AREL1: variants seen among roughly 807,000 people sequenced by gnomAD.
The protein encoded by AREL1 is apoptosis-resistant E3 ubiquitin protein ligase 1.
A neutral mutation model predicts 99.0 loss-of-function variants in AREL1; 62 were observed. That is an observed-to-expected ratio of 0.63 (90% CI 0.51 to 0.77). The LOEUF (loss-of-function observed/expected upper bound fraction) is 0.77, where lower values mean the gene tolerates loss of function less well. AREL1 is among the 30% of genes least tolerant of loss of function. AREL1 has a pLI of 0.00. For missense variants in AREL1, 879 were observed against 1,027.6 expected, an observed-to-expected ratio of 0.86 and a Z score of 1.98; for synonymous variants, 380 against 376.5, an observed-to-expected ratio of 1.01 and a Z score of -0.11.
chr14:74,691,864 C>A (rs974417232), intron 2 of AREL1, among the ~76,000 whole-genome samples, 177 bp downstream of exon 2: 1 of 152,058 alleles, frequency 6.6e-6, no homozygotes, highest in Non-Finnish European at 1.5e-5. Context: ...AAGTCATTTC[C>A]CAAAAATGGA....
At chr14:74,702,198 G>A (rs1055959352) in intron 1 of AREL1, among the ~76,000 whole-genome samples, 7 of 152,212 alleles carry the variant, frequency 4.6e-5, no homozygotes, top group African/African-American at 1.7e-4. Flanking sequence ...GGGACTCTGT[G>A]TGGGAGCTTC....
chr14:74,680,640 C>T (rs138013338), intron 5 of AREL1, among the ~76,000 whole-genome samples: 1 of 152,272 alleles, frequency 6.6e-6, no homozygotes, highest in African/African-American at 2.4e-5. Context: ...GGAAACAACC[C>T]AGATGACCTT....
At chr14:74,696,383 T>G (rs1030547579) in intron 1 of AREL1, among the ~76,000 whole-genome samples, 15 of 152,330 alleles carry the variant, frequency 9.8e-5, no homozygotes, top group African/African-American at 2.9e-4. Context: ...ATTAGGAATT[T>G]TACAGTCATT....
intron 2 of AREL1, among the ~76,000 whole-genome samples, chr14:74,687,945 T>TGCATAAAAAATTTTAC (rs1264496492): frequency 1.3e-5 from 2 of 151,828 alleles, no homozygotes; most frequent in African/African-American, 4.8e-5. Flanking sequence ...TCTAATTTTA[T>TGCATAAAAAATTTTAC]GCCTAAAAAA....
At chr14:74,673,040 TC>T (rs780520218) in intron 10 of AREL1, 36 bp downstream of exon 10, 1 of 1,614,078 alleles carries the variant, frequency 6.2e-7, no homozygotes, top group Non-Finnish European at 8.5e-7. Context: ...GTGGCTGGGC[TC>T]ACTACCTTCC....
intron 5 of AREL1, among the ~76,000 whole-genome samples, chr14:74,677,714 G>A (rs1314612367): frequency 1.3e-5 from 2 of 151,168 alleles, no homozygotes; most frequent in African/African-American, 4.9e-5. Context: ...TATTGGCCAG[G>A]CTGGTCTCAA....
intron 1 of AREL1, 42 bp downstream of exon 1, chr14:74,712,891 C>T: frequency 1.7e-6 from 1 of 588,222 alleles, no homozygotes; most frequent in Non-Finnish European, 3.2e-6. Context: ...CTGGTAAAGG[C>T]AGGTCTTCTG....
intron 1 of AREL1, among the ~76,000 whole-genome samples, chr14:74,706,143 GC>G (rs1189883409): frequency 6.6e-6 from 1 of 152,106 alleles, no homozygotes; most frequent in Non-Finnish European, 1.5e-5. Context: ...CAGAGGACAG[GC>G]CCCCATGTTC....
intron 1 of AREL1, among the ~76,000 whole-genome samples, chr14:74,696,140 T>G (rs2089975267): frequency 6.6e-6 from 1 of 152,194 alleles, no homozygotes; most frequent in Non-Finnish European, 1.5e-5. Context: ...AACTTTACTA[T>G]CTGATGCTTT....
At chr14:74,708,048 G>T (rs1483577532) in intron 1 of AREL1, among the ~76,000 whole-genome samples, 1 of 151,988 alleles carries the variant, frequency 6.6e-6, no homozygotes, top group Non-Finnish European at 1.5e-5. Context: ...GAAATTAGTG[G>T]AGAAACTTGT....
rs576332723 is a variant in AREL1, at chr14:74,662,707, C to T, written c.*1013G>A. 1.3e-4 allele frequency: 50 copies of T among 398,260 alleles called. No individual in the cohort carries two copies. The East Asian group carries it at 1.7e-3, about 14-fold the overall frequency. The allele number at this position is 398,260 out of a possible 1,614,324, so 24.7% of individuals were successfully genotyped here. A position where few individuals can be genotyped will look rare whatever the true frequency, so the allele number is the denominator to read the frequency against. The stretch of plus-strand genomic sequence containing the variant: ...GTGATAAGCACGTAAACTCCTAGTC[C>T]CTGTTCCTTTGTCTTAGTGCTGCCA... On this transcript the variant is annotated 3_prime_UTR_variant, in exon 20 of 20. Coordinates refer to ENST00000356357, the MANE Select transcript of AREL1 (RefSeq NM_001039479.2).
intron 1 of AREL1, chr14:74,712,038 C>CAAAAAAAAAAAAAAAAAAAAA (rs752599769): frequency 1.2e-3 from 35 of 28,706 alleles, no homozygotes; most frequent in Non-Finnish European, 1.4e-3. Flanking sequence ...AGACAAAGTG[C>CAAAAAAAAAAAAAAAAAAAAA]AAAAAAAAAA....
chr14:74,669,563 C>T, intron 15 of AREL1, 86 bp downstream of exon 15: 1 of 1,492,040 alleles, frequency 6.7e-7, no homozygotes, highest in Non-Finnish European at 9.0e-7. Flanking sequence ...GGAACATTTC[C>T]ACCACTGCAG....
intron 1 of AREL1, among the ~76,000 whole-genome samples, chr14:74,703,779 T>C (rs1017417044): frequency 9.8e-5 from 15 of 152,332 alleles, no homozygotes; most frequent in African/African-American, 3.6e-4. Context: ...GGTGGTATCA[T>C]AGATAAAGCT....
At position 74,676,284 on chromosome 14, in the gene AREL1, A is replaced by C. The variant is rs770362067; in HGVS notation, c.689T>G (p.Phe230Cys). 5.0e-5 allele frequency: 80 copies of C among 1,614,058 alleles called. No individual in the cohort carries two copies. The Middle Eastern group carries it at 3.0e-3, about 60-fold the overall frequency. ...CCTGTTGGATGTTACTGATTTCTCA[A>C]ATGAGACACCAGTACTCTCTTCTTC... ...PQEEESTGVSFEKSVTSNRQT... is the reference protein window; with the variant it reads ...PQEEESTGVSCEKSVTSNRQT... The change falls in exon 7 of 20, where the codon TTT (phenylalanine) becomes TGT (cysteine). Residue 230 changes from phenylalanine (F) to cysteine (C), a missense_variant. Phe to Cys is a radical substitution (Grantham distance 205, BLOSUM62 -2). Coordinates refer to ENST00000356357, the MANE Select transcript of AREL1 (RefSeq NM_001039479.2).
chr14:74,685,773 G>A (rs1403008572), intron 2 of AREL1, 113 bp from the exon 3 acceptor site: 15 of 834,776 alleles, frequency 1.8e-5, no homozygotes, highest in Non-Finnish European at 3.8e-6. Context: ...CTAGTCCAGA[G>A]CCTTACTATT....
intron 5 of AREL1, among the ~76,000 whole-genome samples, chr14:74,680,836 A>G (rs1333510112): frequency 6.6e-6 from 1 of 152,194 alleles, no homozygotes; most frequent in African/African-American, 2.4e-5. Context: ...AGGGTGCTGA[A>G]GTGGTAAGTA....
intron 1 of AREL1, among the ~76,000 whole-genome samples, chr14:74,702,494 A>G (rs1261808740): frequency 6.6e-6 from 1 of 152,112 alleles, no homozygotes; most frequent in East Asian, 1.9e-4. Context: ...AAGTCCCTAC[A>G]CTGCACACAG....
intron 1 of AREL1, among the ~76,000 whole-genome samples, chr14:74,710,359 CTTTT>C (rs917864186): frequency 6.6e-6 from 1 of 152,066 alleles, no homozygotes; most frequent in Non-Finnish European, 1.5e-5. Context: ...TACAAATGGC[CTTTT>C]TTTAAGTTGT....
Sources: allele counts gnomAD v4.1 joint callset (sites outside exome capture counted in the v4.1 genomes callset), GRCh38; gene constraint gnomAD v4.1.1; transcripts MANE v1.5; gene names NCBI Gene and HGNC (gene_info 2026-07-23, HGNC 2026-07-21).